The following RIC1 variants were observed in gnomAD, a reference collection of about 807,000 sequenced individuals.
The protein encoded by RIC1 is RIC1 partner of RAB6A GEF complex.
A neutral mutation model predicts 169.0 loss-of-function variants in RIC1; 88 were observed. The observed-to-expected ratio is 0.52, with a 90% CI of 0.44 to 0.62. RIC1 has a LOEUF of 0.62. RIC1 is among the 20% of genes least tolerant of loss of function. The probability of loss-of-function intolerance (pLI) is 0.00; values close to 1 mark genes in which losing one functional copy is unlikely to be tolerated. For missense variants in RIC1, 1,877 were observed against 1,725.5 expected (o/e 1.09, Z -1.56); for synonymous variants, 790 against 601.5 (o/e 1.31, Z -4.59).
At chr9:5,713,833 G>A in intron 3 of RIC1, 63 bp from the exon 4 acceptor site, 1 of 993,748 alleles carries the variant, frequency 1.0e-6, no homozygotes, top group Non-Finnish European at 1.6e-6. Flanking sequence ...GATTGTATGT[G>A]TATTAGCCAC....
At chr9:5,765,030 G>A (rs1021609039) in intron 19 of RIC1, 5 of 161,778 alleles carry the variant, frequency 3.1e-5, no homozygotes, top group Non-Finnish European at 1.3e-5. Context: ...AGACAGACCT[G>A]ACCTATTTTG....
In RIC1 at chr9:5,763,235, C is replaced by T. The variant is rs755348987; in HGVS notation, c.2208C>T (p.Ala736=). The T allele has an allele frequency of 1.2e-6, 2 of 1,614,096 alleles. No individual in the cohort carries two copies. The highest frequency in any genetic ancestry group is 2.2e-5 in the East Asian group (1 of 44,880). Reference sequence around the variant, plus strand: ...AACAGAAACGTCACCTTCTGGAGGCCCTCTGGCTGAGCTGTGGTGGTGCAG... The same window carrying T: ...AACAGAAACGTCACCTTCTGGAGGCTCTCTGGCTGAGCTGTGGTGGTGCAG... The part of the protein sequence containing the change: ...ANKQKRHLLE[A]LWLSCGGAGM... Residue 736 remains alanine, a synonymous_variant, in exon 19 of 26, where the codon GCC becomes GCT. Coordinates refer to ENST00000414202, the MANE Select transcript of RIC1 (RefSeq NM_020829.4). This position sits in a 1 kb window ranked among gnomAD's most constrained non-coding sequence, Gnocchi z 5.2.
intron 1 of RIC1, among the ~76,000 whole-genome samples, chr9:5,647,725 A>G (rs1818587600): frequency 1.3e-5 from 2 of 152,018 alleles, no homozygotes; most frequent in South Asian, 4.1e-4. Context: ...TCCAAGTTAG[A>G]TTTATTTTAT....
At position 5,769,072 on chromosome 9, in the gene RIC1, C is replaced by G; in HGVS notation, c.3240C>G (p.Gly1080=). Residue 1080 remains glycine (G), a synonymous_variant, in exon 22 of 26, where the codon GGC becomes GGG. Transcript: ENST00000414202. ...LLEDVRLKDL[G]CFAAQLGFEL... is the part of the protein sequence containing the mutation. ...AAGATGTGAGGTTAAAGGACCTTGG[C>G]TGCTTTGCAGCCCAGCTGGGCTTTG... 1 of 1,614,102 alleles carries G rather than the reference C, an allele frequency of 6.2e-7. No homozygotes were observed.
chr9:5,668,490 T>C (rs992901304), intron 2 of RIC1, among the ~76,000 whole-genome samples: 1 of 152,220 alleles, frequency 6.6e-6, no homozygotes, highest in Non-Finnish European at 1.5e-5. Flanking sequence ...CCATTTCTCT[T>C]TCCTCCATAC....
intron 7 of RIC1, among the ~76,000 whole-genome samples, chr9:5,734,686 C>T (rs1587063565): frequency 6.6e-6 from 1 of 152,294 alleles, no homozygotes; most frequent in East Asian, 1.9e-4. Context: ...TCACAAACTG[C>T]CTCTGCTACT....
At chr9:5,644,845 C>G (rs1200675591) in intron 1 of RIC1, among the ~76,000 whole-genome samples, 2 of 135,274 alleles carry the variant, frequency 1.5e-5, no homozygotes, top group Non-Finnish European at 3.3e-5. Flanking sequence ...AACTTTGTTC[C>G]AAAGTGACTG....
rs1237876600 is a variant in RIC1, at chr9:5,765,477, C to G, written c.2905C>G (p.Gln969Glu). The part of the protein sequence containing the change: ...ATLLFNTALE[Q>E]GKWDLCRHMI... ...CCTTCTATTCAACACAGCACTAGAA[C>G]AAGGCAAGTGGGACCTTTGTCGACA... Residue 969 changes from glutamine to glutamate, a missense_variant, in exon 20 of 26, where the codon CAA (glutamine) becomes GAA (glutamate). Around this residue, in one of 3 missense-constraint regions of RIC1, gnomAD observed 681 missense variants for 582.0 expected, o/e 1.17. Transcript: ENST00000414202. 4 of 1,614,044 alleles carry G rather than the reference C, an allele frequency of 2.5e-6. No individual in the cohort carries two copies. The highest frequency in any genetic ancestry group is 3.4e-6 in the Non-Finnish European group (4 of 1,179,998).
At chr9:5,741,593 C>T (rs568185527) in intron 8 of RIC1, among the ~76,000 whole-genome samples, 10 of 152,216 alleles carry the variant, frequency 6.6e-5, no homozygotes, top group Admixed American at 5.2e-4. Flanking sequence ...ATCTGTCCAT[C>T]AAGTTCTTAA....
At chr9:5,694,553 C>T (rs1024625183) in intron 3 of RIC1, among the ~76,000 whole-genome samples, 1 of 152,144 alleles carries the variant, frequency 6.6e-6, no homozygotes, top group African/African-American at 2.4e-5. Context: ...TTGCATATTA[C>T]ATGCATCCAT....
Position 5,711,146 on chromosome 9 carries a change from T to C in RIC1, c.333-2750T>C, listed in dbSNP as rs567639718. On this transcript the variant is annotated intron_variant, in intron 3 of 25. Coordinates refer to ENST00000414202, the MANE Select transcript of RIC1 (RefSeq NM_020829.4). Reference sequence around the variant, plus strand: ...GAAATTTCAGAACCCATCGGATATATAAAAAGAAGATCCTAGGTACTTCAG... The same window carrying C: ...GAAATTTCAGAACCCATCGGATATACAAAAAGAAGATCCTAGGTACTTCAG... Among the ~76,000 whole-genome samples the C allele has an allele frequency of 1.1e-3, 167 of 152,184 alleles. 2 individuals are homozygous for C. The highest frequency in any genetic ancestry group is 3.8e-3 in the African/African-American group (158 of 41,534).
At chr9:5,772,816 C>A in intron 24 of RIC1, 75 bp downstream of exon 24, 1 of 1,548,086 alleles carries the variant, frequency 6.5e-7, no homozygotes, top group Non-Finnish European at 8.8e-7. Context: ...GGGCTACTCT[C>A]CTAATAATCA....
intron 10 of RIC1, among the ~76,000 whole-genome samples, chr9:5,745,281 A>C (rs919793905): frequency 2.0e-5 from 3 of 152,100 alleles, no homozygotes; most frequent in African/African-American, 7.2e-5. Context: ...CCCCTTCACC[A>C]TTTTCTTGGC....
intron 2 of RIC1, among the ~76,000 whole-genome samples, chr9:5,681,059 C>T (rs1216387328): frequency 6.6e-6 from 1 of 151,572 alleles, no homozygotes; most frequent in Admixed American, 6.6e-5. Context: ...ATCTCCTGAC[C>T]TCGTGATCCG....
At chr9:5,687,564 C>G (rs1821325173) in intron 2 of RIC1, among the ~76,000 whole-genome samples, 1 of 152,074 alleles carries the variant, frequency 6.6e-6, no homozygotes, top group Non-Finnish European at 1.5e-5. Context: ...CCCTTTTTCT[C>G]CTTTGATTCA....
In RIC1 at chr9:5,754,293, G is replaced by A. The variant is rs1236841467; in HGVS notation, c.1603-548G>A. The stretch of plus-strand genomic sequence containing the variant: ...AAGCCCTAATGGGTGTTAGAATGAT[G>A]ATGCTATATAGCACCCAGTTATTTT... On this transcript the variant is annotated intron_variant, in intron 14 of 25. Coordinates refer to ENST00000414202, the MANE Select transcript of RIC1 (RefSeq NM_020829.4). Among the ~76,000 whole-genome samples, 5 of 152,228 alleles carry A rather than the reference G, an allele frequency of 3.3e-5. No homozygotes were observed. In the East Asian group the frequency reaches 9.6e-4, roughly 29 times the overall value.
At chr9:5,694,225 G>A (rs1359518872) in intron 3 of RIC1, among the ~76,000 whole-genome samples, 3 of 152,156 alleles carry the variant, frequency 2.0e-5, no homozygotes, top group Admixed American at 6.5e-5. Context: ...AGGGACAGAA[G>A]CATCTAAATC....
At chr9:5,746,201 G>C (rs778503017) in intron 11 of RIC1, 118 bp downstream of exon 11, 53 of 609,758 alleles carry the variant, frequency 8.7e-5, no homozygotes, top group Non-Finnish European at 1.2e-4. Flanking sequence ...TCTTTTCTAT[G>C]ATTCTTGTGT....
intron 1 of RIC1, among the ~76,000 whole-genome samples, chr9:5,631,919 C>T (rs1009729147): frequency 6.6e-6 from 1 of 151,990 alleles, no homozygotes; most frequent in African/African-American, 2.4e-5. Flanking sequence ...GTGAAAATGC[C>T]TTTAGGTAAA....
Sources: allele counts gnomAD v4.1 joint callset (sites outside exome capture counted in the v4.1 genomes callset), GRCh38; gene constraint gnomAD v4.1.1; regional missense constraint gnomAD v4.1.1; non-coding constraint Gnocchi (gnomAD v3.1); transcripts MANE v1.5; gene names NCBI Gene and HGNC (gene_info 2026-07-23, HGNC 2026-07-21).